MIS18BP1: variants seen among roughly 807,000 people sequenced by gnomAD.
MIS18BP1 encodes the protein mis18-binding protein 1.
A neutral mutation model predicts 116.1 loss-of-function variants in MIS18BP1; 72 were observed. That is an observed-to-expected ratio of 0.62 (90% CI 0.51 to 0.75). The LOEUF is 0.75. Among genes scored for constraint, MIS18BP1 ranks in the 30% least tolerant of loss-of-function variants. The pLI is 0.00. For synonymous variants in MIS18BP1, 386 were observed against 427.0 expected, an observed-to-expected ratio of 0.90 and a Z score of 1.18; for missense variants, 1,363 against 1,303.2, an observed-to-expected ratio of 1.05 and a Z score of -0.71.
intron 1 of MIS18BP1, among the ~76,000 whole-genome samples, chr14:45,249,281 G>A (rs1215328007): frequency 6.6e-6 from 1 of 151,998 alleles, no homozygotes; most frequent in South Asian, 2.1e-4. Context: ...TAGTAGAGAC[G>A]GGGTTTCACC....
chr14:45,223,350 G>A (rs912667763), intron 11 of MIS18BP1, among the ~76,000 whole-genome samples: 1 of 152,178 alleles, frequency 6.6e-6, no homozygotes, highest in Non-Finnish European at 1.5e-5. Flanking sequence ...AAGCCAAGGT[G>A]GGCGGATCAT....
rs1891078690 is a variant in MIS18BP1 at position 45,224,713 on chromosome 14, A to G, written c.1874T>C (p.Ile625Thr). The G allele has an allele frequency of 1.9e-6, 3 of 1,593,936 alleles. No homozygotes were observed. The highest frequency in any genetic ancestry group is 2.6e-6 in the Non-Finnish European group (3 of 1,174,010). Residue 625 changes from isoleucine (I) to threonine (T), a missense_variant, in exon 11 of 17, where the codon ATT becomes ACT. By Grantham distance (89) the Ile-to-Thr change is moderately conservative (BLOSUM62 -1). Transcript: ENST00000310806. ...GAAAAACTGTTCCCTTGAGGTTAGAATATCAATGGATACATCCAATTCTTC... is the reference window on the plus strand; with the variant it reads ...GAAAAACTGTTCCCTTGAGGTTAGAGTATCAATGGATACATCCAATTCTTC... The part of the protein sequence containing the change: ...TTEELDVSID[I>T]LTSREQFFSD...
Position 45,227,822 on chromosome 14 carries a change from T to A in MIS18BP1, c.1595-8A>T. 6.2e-7 allele frequency: 1 copy of A among 1,610,400 alleles called. No individual in the cohort carries two copies. The highest frequency in any genetic ancestry group is 8.5e-7 in the Non-Finnish European group (1 of 1,178,414). On this transcript the variant is annotated splice_polypyrimidine_tract_variant and splice_region_variant and intron_variant, in intron 8 of 16. Coordinates refer to ENST00000310806, the MANE Select transcript of MIS18BP1 (RefSeq NM_018353.5). ...GCTTATTACTCTTCAGTTCTATGAA[T>A]ACAAAGATGGAGATTTCAATAAATG...
At chr14:45,218,246 A>C (rs1890875244) in intron 12 of MIS18BP1, 36 bp downstream of exon 12, 1 of 1,587,852 alleles carries the variant, frequency 6.3e-7, no homozygotes, top group Non-Finnish European at 8.6e-7. Context: ...ATCAACACTG[A>C]GTACTAGGAA....
chr14:45,231,493 A>G lies in MIS18BP1; in HGVS notation c.1437-195T>C, dbSNP rs180757119. ...CAAAGAACTGAGGTGTAACATCTTA[A>G]GTCAGAGGACTCAAATATGATCTCC... is the stretch of plus-strand genomic sequence containing the variant. On this transcript the variant is annotated intron_variant, in intron 7 of 16. Coordinates refer to ENST00000310806, the MANE Select transcript of MIS18BP1 (RefSeq NM_018353.5). 2.2e-3 allele frequency: 1,004 copies of G among 461,710 alleles called. 1 individual carries two copies. Among genetic ancestry groups the G allele is most frequent in the Middle Eastern group, 9.7e-3 (17 of 1,756 alleles). 28.6% of individuals were successfully genotyped at this position (461,710 alleles called of 1,614,324 possible).
At position 45,242,952 on chromosome 14, in the gene MIS18BP1, G is replaced by C. The variant is rs189918671; in HGVS notation, c.545-78C>G. On this transcript the variant is annotated intron_variant, in intron 2 of 16. Transcript: ENST00000310806. ...GAAAAAAACAGCTTTTAAAATTCTT[G>C]AAATAAAGACACTTAGATTTAGTAA... 1.1e-4 allele frequency: 99 copies of C among 910,822 alleles called. No individual in the cohort carries two copies. In the African/African-American group the frequency reaches 1.5e-3, roughly 14 times the overall value. The allele number at this position is 910,822 out of a possible 1,614,324, so 56.4% of individuals were successfully genotyped here. A position where few individuals can be genotyped will look rare whatever the true frequency, so the allele number is the denominator to read the frequency against.
At chr14:45,238,173 G>C (rs1049874607) in intron 4 of MIS18BP1, among the ~76,000 whole-genome samples, 12 of 147,558 alleles carry the variant, frequency 8.1e-5, no homozygotes, top group African/African-American at 3.0e-4. Flanking sequence ...AAACTAAAAA[G>C]GTAACTGCTG....
chr14:45,218,447 C>CA lies in MIS18BP1; in HGVS notation c.2676dup (p.Ala893CysfsTer24). 3.1e-6 allele frequency: 5 copies of CA among 1,601,164 alleles called. No individual in the cohort carries two copies. Among genetic ancestry groups the CA allele is most frequent in the Non-Finnish European group, 4.2e-6 (5 of 1,177,088 alleles). ...CCAGGTTTGTGCTTTGGAAGAGATGCAAAAGCACTATGGAAGATCAAAACC... is the reference window on the plus strand; with the variant it reads ...CCAGGTTTGTGCTTTGGAAGAGATGCAAAAAGCACTATGGAAGATCAAAACC... On this transcript the variant is annotated frameshift_variant, in exon 12 of 17. Transcript: ENST00000310806. LOFTEE classifies it high-confidence loss of function.
At chr14:45,208,325 A>C (rs928483576) in intron 14 of MIS18BP1, among the ~76,000 whole-genome samples, 8 of 149,438 alleles carry the variant, frequency 5.4e-5, no homozygotes, top group African/African-American at 2.0e-4. Context: ...CAAAAGGATG[A>C]AGTTGTTTTT....
intron 6 of MIS18BP1, among the ~76,000 whole-genome samples, chr14:45,233,884 G>A (rs916351785): frequency 2.1e-4 from 32 of 152,144 alleles, no homozygotes; most frequent in Non-Finnish European, 1.5e-5. Flanking sequence ...ACTAAGGGGA[G>A]AGGTCTTGGT....
chr14:45,241,548 T>C (rs1336743206), intron 4 of MIS18BP1: 2 of 152,680 alleles, frequency 1.3e-5, no homozygotes, highest in East Asian at 3.8e-4. Context: ...AAGCTTGTAT[T>C]TCCATTCCAC....
intron 14 of MIS18BP1, 56 bp downstream of exon 14, chr14:45,210,324 A>C (rs1002814510): frequency 2.6e-6 from 4 of 1,544,620 alleles, no homozygotes; most frequent in Admixed American, 1.9e-5. Context: ...AAATGTTTAA[A>C]TGTTCCTCAC....
Position 45,235,846 on chromosome 14 carries a change from C to G in MIS18BP1, c.1316G>C (p.Gly439Ala), listed in dbSNP as rs1891412969. ...TISGNVYILK[G>A]MIDQISMKEA... is the part of the protein sequence containing the mutation. The stretch of plus-strand genomic sequence containing the variant: ...TTTCATGGAAATTTGGTCTATCATG[C>G]CTTTTAATATATAAACGTTGCCTGA... The change falls in exon 6 of 17, where the codon GGC becomes GCC. Residue 439 changes from glycine to alanine, a missense_variant. Gly to Ala is a moderately conservative substitution (Grantham distance 60). Coordinates refer to ENST00000310806, the MANE Select transcript of MIS18BP1 (RefSeq NM_018353.5). 1 of 1,608,288 alleles carries G rather than the reference C, an allele frequency of 6.2e-7. No homozygotes were observed. The highest frequency in any genetic ancestry group is 8.5e-7 in the Non-Finnish European group (1 of 1,177,890).
rs773177935 is a variant in MIS18BP1, at chr14:45,247,287, C to G, written c.-1G>C. ...AATGTTTCAAAGGTGTTGCAATCAT[C>G]TTGACAAGAAAGTAGCAACCAAGTT... On this transcript the variant is annotated 5_prime_UTR_variant, in exon 2 of 17. Coordinates refer to ENST00000310806, the MANE Select transcript of MIS18BP1 (RefSeq NM_018353.5). The G allele has an allele frequency of 2.0e-6, 3 of 1,535,328 alleles. No homozygotes were observed. The South Asian group carries it at 3.8e-5, about 19-fold the overall frequency.
intron 10 of MIS18BP1, among the ~76,000 whole-genome samples, chr14:45,225,383 T>C (rs987922401): frequency 6.6e-6 from 1 of 152,072 alleles, no homozygotes; most frequent in African/African-American, 2.4e-5. Flanking sequence ...TCTGTATGGT[T>C]TGATTTTTTT....
chr14:45,223,943 C>A lies in MIS18BP1; in HGVS notation c.2644G>T (p.Glu882Ter). Residue 882 changes from glutamate to a stop codon, truncating the protein, a stop_gained, in exon 11 of 17, where the codon GAG becomes TAG. Coordinates refer to ENST00000310806, the MANE Select transcript of MIS18BP1 (RefSeq NM_018353.5). LOFTEE classifies it high-confidence loss of function. ...PGLIQDKEWN[E>*]KELQKLHCAF... ...CAATGAAGTTTCTGTAACTCCTTCT[C>A]ATTCCATTCCTTATCCTGAATTAAA... 3 of 1,586,684 alleles carry A rather than the reference C, an allele frequency of 1.9e-6. No homozygotes were observed. The South Asian group carries it at 3.5e-5, about 18-fold the overall frequency.
At chr14:45,232,436 AAAC>A (rs1555372031) in intron 7 of MIS18BP1, 200 of 238,884 alleles carry the variant, frequency 8.4e-4, no homozygotes, top group Non-Finnish European at 7.6e-4. Context: ...AAAAAAAAAA[AAAC>A]AACAACAAAA....
At chr14:45,235,752 T>G in intron 6 of MIS18BP1, 62 bp downstream of exon 6, 102 of 1,430,964 alleles carry the variant, frequency 7.1e-5, no homozygotes, top group Non-Finnish European at 9.4e-5. Context: ...TGTATTACTG[T>G]GAGAAACATG....
At chr14:45,223,335 T>G (rs1267900019) in intron 11 of MIS18BP1, among the ~76,000 whole-genome samples, 1 of 152,302 alleles carries the variant, frequency 6.6e-6, no homozygotes, top group East Asian at 1.9e-4. Flanking sequence ...TCCCAGCACT[T>G]TGGGAAGCCA....
Sources: gnomAD v4.1 joint callset for allele counts (sites outside exome capture counted in the v4.1 genomes callset) on GRCh38, gnomAD v4.1.1 for gene constraint, MANE v1.5 for transcripts, NCBI Gene and HGNC (gene_info 2026-07-23, HGNC 2026-07-21) for gene names.